ATP13A5: variants seen among roughly 807,000 people sequenced by gnomAD.
The protein encoded by ATP13A5 is ATPase 13A5.
In ATP13A5, 149 loss-of-function variants were observed where a neutral mutation model predicts 150.2. That is an observed-to-expected ratio of 0.99 (90% CI 0.87 to 1.14). The LOEUF is 1.14. ATP13A5 is among the 50% of genes most tolerant of loss of function. ATP13A5 has a pLI of 0.00. For missense variants in ATP13A5, 1,383 were observed against 1,449.3 expected, an observed-to-expected ratio of 0.95 and a Z score of 0.74; for synonymous variants, 497 against 522.2, an observed-to-expected ratio of 0.95 and a Z score of 0.66.
chr3:193,322,393 A>G lies in ATP13A5; in HGVS notation c.1758+98T>C. 2 of 959,184 alleles carry G rather than the reference A, an allele frequency of 2.1e-6. 1 individual carries two copies. The highest frequency in any genetic ancestry group is 2.9e-5 in the South Asian group (2 of 68,662). 59.4% of individuals were successfully genotyped at this position (959,184 alleles called of 1,614,324 possible). A position where few individuals can be genotyped will look rare whatever the true frequency, so the allele number is the denominator to read the frequency against. On this transcript the variant is annotated intron_variant, in intron 15 of 29. Coordinates refer to ENST00000342358, the MANE Select transcript of ATP13A5 (RefSeq NM_198505.4). ...AACCAACCGTGGAAACTGTTATGATAAGGCAAAATAATAGGACTATAAAAA... is the reference window on the plus strand; with the variant it reads ...AACCAACCGTGGAAACTGTTATGATGAGGCAAAATAATAGGACTATAAAAA...
intron 26 of ATP13A5, among the ~76,000 whole-genome samples, chr3:193,285,540 G>A (rs1294170594): frequency 6.6e-6 from 1 of 152,146 alleles, no homozygotes; most frequent in African/African-American, 2.4e-5. Context: ...ATCTGAACAT[G>A]ACAGTCTGCT....
chr3:193,335,163 G>T, intron 9 of ATP13A5, 64 bp from the exon 10 acceptor site: 1 of 1,483,862 alleles, frequency 6.7e-7, no homozygotes, highest in Non-Finnish European at 9.3e-7. Context: ...ACTGGTGCAT[G>T]CCAGTTTCAA....
intron 9 of ATP13A5, among the ~76,000 whole-genome samples, chr3:193,339,555 G>A (rs1041254462): frequency 6.6e-6 from 1 of 152,278 alleles, no homozygotes; most frequent in South Asian, 2.1e-4. Flanking sequence ...GGTGTAAGAA[G>A]CTATAAAATT....
intron 19 of ATP13A5, 142 bp from the exon 20 acceptor site, chr3:193,312,083 T>G: frequency 9.6e-7 from 1 of 1,046,956 alleles, no homozygotes; most frequent in Non-Finnish European, 1.4e-6. Context: ...CCTATAGCAG[T>G]TCTACCCATA....
intron 1 of ATP13A5, among the ~76,000 whole-genome samples, chr3:193,377,911 C>A (rs1332738007): frequency 1.3e-5 from 2 of 152,174 alleles, no homozygotes; most frequent in African/African-American, 4.8e-5. Flanking sequence ...AGGCTAATGA[C>A]CTTGGGCAAG....
chr3:193,336,525 T>TG, intron 9 of ATP13A5, among the ~76,000 whole-genome samples: 1 of 152,330 alleles, frequency 6.6e-6, no homozygotes, highest in South Asian at 2.1e-4. Flanking sequence ...CTGAGAATGA[T>TG]GGTTTCCAGC....
chr3:193,326,479 ATTAAT>A (rs747669797), intron 13 of ATP13A5, among the ~76,000 whole-genome samples: 5 of 152,202 alleles, frequency 3.3e-5, no homozygotes, highest in Non-Finnish European at 5.9e-5. Flanking sequence ...AAATTTCAAA[ATTAAT>A]TTGTCTTTAC....
At chr3:193,374,640 G>GACACACACAC (rs113705500) in intron 1 of ATP13A5, among the ~76,000 whole-genome samples, 100 of 93,220 alleles carry the variant, frequency 1.1e-3, no homozygotes, top group African/African-American at 3.9e-3. Flanking sequence ...GTAAGACCAT[G>GACACACACAC]ACACACACAC....
intron 28 of ATP13A5, among the ~76,000 whole-genome samples, chr3:193,278,929 T>A (rs1717352373): frequency 6.6e-6 from 1 of 152,214 alleles, no homozygotes; most frequent in East Asian, 1.9e-4. Context: ...TCAAATTATA[T>A]CCACTGATAT....
At chr3:193,316,358 G>C (rs929524179) in intron 17 of ATP13A5, among the ~76,000 whole-genome samples, 4 of 151,840 alleles carry the variant, frequency 2.6e-5, no homozygotes, top group African/African-American at 9.7e-5. Flanking sequence ...TGGATCACCT[G>C]GTGATCCAAT....
At chr3:193,325,087 G>A in intron 13 of ATP13A5, 73 bp from the exon 14 acceptor site, 5 of 1,474,586 alleles carry the variant, frequency 3.4e-6, no homozygotes, top group Non-Finnish European at 4.6e-6. Context: ...TCTTACTAAA[G>A]TGGAGCTCCA....
chr3:193,319,066 T>C lies in ATP13A5; in HGVS notation c.1958A>G (p.Gln653Arg), dbSNP rs1183382360. The change falls in exon 17 of 30, where the codon CAA (glutamine) becomes CGA (arginine). Residue 653 changes from glutamine to arginine, a missense_variant. Physicochemically the swap from Gln to Arg is conservative, Grantham distance 43. Around this residue, in one of 3 missense-constraint regions of ATP13A5, gnomAD observed 28 missense variants for 55.9 expected, o/e 0.50. Coordinates refer to ENST00000342358, the MANE Select transcript of ATP13A5 (RefSeq NM_198505.4). The part of the protein sequence containing the change: ...FPQELRSYTV[Q>R]GFRVIALAHK... ...GGCAAGAGCAATGACACGGAAGCCTTGCACCGTGTAACTCCTCAGTTCCTG... is the reference window on the plus strand; with the variant it reads ...GGCAAGAGCAATGACACGGAAGCCTCGCACCGTGTAACTCCTCAGTTCCTG... The C allele has an allele frequency of 6.2e-7, 1 of 1,613,822 alleles. No individual in the cohort carries two copies. Among genetic ancestry groups the C allele is most frequent in the African/African-American group, 1.3e-5 (1 of 74,922 alleles).
intron 1 of ATP13A5, among the ~76,000 whole-genome samples, chr3:193,378,317 T>C (rs1010141148): frequency 1.3e-5 from 2 of 152,194 alleles, no homozygotes; most frequent in African/African-American, 4.8e-5. Flanking sequence ...TTGTTTTCAA[T>C]AGAGTTTGTT....
rs376882767 is a variant in ATP13A5 at position 193,334,999 on chromosome 3, G to A, written c.1044C>T (p.Phe348=). The change falls in exon 10 of 30, where the codon TTC becomes TTT. Residue 348 remains phenylalanine, a synonymous_variant. Transcript: ENST00000342358. ...SLEDYRKHVL[F]CGTEVIQVKP... ...TGACCTGGATAACTTCTGTTCCACA[G>A]AAAAGGACGTGTTTCCTATAATCCT... 41 of 1,613,854 alleles carry A rather than the reference G, an allele frequency of 2.5e-5. No homozygotes were observed. Among genetic ancestry groups the A allele is most frequent in the Admixed American group, 1.0e-4 (6 of 59,988 alleles).
At chr3:193,349,632 T>G (rs1311495277) in intron 7 of ATP13A5, among the ~76,000 whole-genome samples, 1 of 152,100 alleles carries the variant, frequency 6.6e-6, no homozygotes, top group Non-Finnish European at 1.5e-5. Context: ...AAAACACTAT[T>G]AGACAACAAA....
intron 17 of ATP13A5, among the ~76,000 whole-genome samples, chr3:193,315,868 A>G (rs1006364185): frequency 4.0e-5 from 6 of 151,102 alleles, no homozygotes; most frequent in Admixed American, 6.6e-5. Flanking sequence ...ACCCTGTTTT[A>G]TGTGTGTGTG....
intron 10 of ATP13A5, among the ~76,000 whole-genome samples, chr3:193,334,143 T>G (rs1480981795): frequency 6.6e-6 from 1 of 152,180 alleles, no homozygotes; most frequent in East Asian, 1.9e-4. Flanking sequence ...TTTAAAAAAA[T>G]TAGATATTTT....
chr3:193,312,463 T>C (rs995558397), intron 19 of ATP13A5, among the ~76,000 whole-genome samples: 8 of 152,148 alleles, frequency 5.3e-5, no homozygotes, highest in Non-Finnish European at 1.0e-4. Context: ...GTTCCCAGAT[T>C]CTCTTCCATA....
intron 1 of ATP13A5, 139 bp downstream of exon 1, chr3:193,378,524 G>T (rs1713722631): frequency 1.3e-5 from 10 of 758,304 alleles, no homozygotes; most frequent in African/African-American, 1.7e-5. Flanking sequence ...AGCCCTTAAG[G>T]AACCTTACCA....
Sources: gnomAD v4.1 joint callset for allele counts (sites outside exome capture counted in the v4.1 genomes callset) on GRCh38, gnomAD v4.1.1 for gene constraint, gnomAD v4.1.1 regional missense constraint, MANE v1.5 for transcripts, NCBI Gene and HGNC (gene_info 2026-07-23, HGNC 2026-07-21) for gene names.